The following CCSER1 variants were observed in gnomAD, a reference collection of about 807,000 sequenced individuals.
CCSER1 encodes the protein coiled-coil serine rich protein 1, also known as serine-rich coiled-coil domain-containing protein 1.
A neutral mutation model predicts 82.0 loss-of-function variants in CCSER1; 41 were observed. The observed-to-expected ratio is 0.50, with a 90% confidence interval of 0.39 to 0.65. CCSER1 has a LOEUF of 0.65. Among genes scored for constraint, CCSER1 ranks in the 30% least tolerant of loss-of-function variants. The pLI is 0.00. For missense variants in CCSER1, 1,119 were observed against 1,064.2 expected (o/e 1.05, Z -0.72); for synonymous variants, 414 against 383.9 (o/e 1.08, Z -0.92).
intron 9 of CCSER1, among the ~76,000 whole-genome samples, chr4:90,960,044 C>T (rs1733910731): frequency 6.6e-6 from 1 of 152,052 alleles, no homozygotes; most frequent in Non-Finnish European, 1.5e-5. Flanking sequence ...GCTTAAATTC[C>T]ATTTTTCAAA....
In CCSER1 at chr4:91,407,153, T is replaced by G. The variant is rs559472485; in HGVS notation, c.2218-191419T>G. Among the ~76,000 whole-genome samples the G allele has an allele frequency of 2.6e-5, 4 of 152,270 alleles. No individual in the cohort carries two copies. In the South Asian group the frequency reaches 8.3e-4, roughly 32 times the overall value. The stretch of plus-strand genomic sequence containing the variant: ...GCTCCAATTTCATGCTTGGCCTTTC[T>G]AAGTGACATACAAGAAAAATAAATA... On this transcript the variant is annotated intron_variant, in intron 10 of 10. Coordinates refer to ENST00000509176, the MANE Select transcript of CCSER1 (RefSeq NM_001145065.2).
Position 90,276,402 on chromosome 4 carries a change from A to G in CCSER1, c.-41-31842A>G, listed in dbSNP as rs186004988. On this transcript the variant is annotated intron_variant, in intron 1 of 10. Coordinates refer to ENST00000509176, the MANE Select transcript of CCSER1 (RefSeq NM_001145065.2). ...CACTCTGTTGCCCAGGCTGGAGTGCAGTGGCACGATCTCTGCTCACTGCAA... is the reference window on the plus strand; with the variant it reads ...CACTCTGTTGCCCAGGCTGGAGTGCGGTGGCACGATCTCTGCTCACTGCAA... Among the ~76,000 whole-genome samples the G allele has an allele frequency of 5.2e-3, 722 of 138,460 alleles. 5 individuals are homozygous for G. Among genetic ancestry groups the G allele is most frequent in the African/African-American group, 0.019 (693 of 36,468 alleles). The allele number at this position is 138,460 out of a possible 152,430, so 90.8% of individuals were successfully genotyped here. A position where few individuals can be genotyped will look rare whatever the true frequency, so the allele number is the denominator to read the frequency against.
intron 10 of CCSER1, among the ~76,000 whole-genome samples, chr4:91,469,593 C>T (rs1231381274): frequency 6.6e-6 from 1 of 152,110 alleles, no homozygotes; most frequent in African/African-American, 2.4e-5. Context: ...CCAGTCTAGA[C>T]TAACCTAAGC....
At chr4:90,701,059 A>T (rs943532547) in intron 6 of CCSER1, among the ~76,000 whole-genome samples, 2 of 152,136 alleles carry the variant, frequency 1.3e-5, no homozygotes, top group Admixed American at 6.6e-5. Context: ...GTCCTTGCCC[A>T]TGCCTATGTC....
At chr4:91,331,021 A>G (rs924063823) in intron 10 of CCSER1, among the ~76,000 whole-genome samples, 1 of 152,136 alleles carries the variant, frequency 6.6e-6, no homozygotes, top group Non-Finnish European at 1.5e-5. Flanking sequence ...TATACAGGAA[A>G]AACCATAGTG....
chr4:90,583,269 C>A (rs1292347522), intron 5 of CCSER1, among the ~76,000 whole-genome samples: 1 of 152,156 alleles, frequency 6.6e-6, no homozygotes, highest in Admixed American at 6.5e-5. Flanking sequence ...CTGGTTCAAG[C>A]TATTCTCATG....
At chr4:91,452,156 C>CT (rs1389611598) in intron 10 of CCSER1, among the ~76,000 whole-genome samples, 2 of 151,904 alleles carry the variant, frequency 1.3e-5, no homozygotes, top group Non-Finnish European at 2.9e-5. Context: ...AATCCATAGT[C>CT]ATAGGGCAAA....
chr4:91,047,235 T>TAC (rs1210594709), intron 9 of CCSER1, among the ~76,000 whole-genome samples: 42 of 150,722 alleles, frequency 2.8e-4, no homozygotes, highest in East Asian at 1.9e-3. Flanking sequence ...AAAGCATATA[T>TAC]ATATACACAC....
At chr4:91,358,367 G>A (rs1330461068) in intron 10 of CCSER1, among the ~76,000 whole-genome samples, 3 of 149,140 alleles carry the variant, frequency 2.0e-5, no homozygotes, top group Non-Finnish European at 4.4e-5. Context: ...CCAGTGGGGT[G>A]GGCTTACTTT....
At chr4:91,338,883 G>T (rs1292010502) in intron 10 of CCSER1, among the ~76,000 whole-genome samples, 1 of 152,094 alleles carries the variant, frequency 6.6e-6, no homozygotes, top group Non-Finnish European at 1.5e-5. Context: ...TAAAAGCACA[G>T]AATTTTTTGT....
At chr4:90,968,661 C>T (rs1734799378) in intron 9 of CCSER1, among the ~76,000 whole-genome samples, 1 of 152,008 alleles carries the variant, frequency 6.6e-6, no homozygotes, top group African/African-American at 2.4e-5. Context: ...CCCAAGAATC[C>T]ATATCCAGGC....
chr4:91,530,450 T>C (rs1342662816), intron 10 of CCSER1, among the ~76,000 whole-genome samples: 3 of 152,046 alleles, frequency 2.0e-5, no homozygotes, highest in Non-Finnish European at 4.4e-5. Flanking sequence ...TAACAAAACA[T>C]TAACAATGAA....
chr4:90,570,007 G>A (rs1398058982), intron 5 of CCSER1, among the ~76,000 whole-genome samples: 1 of 152,172 alleles, frequency 6.6e-6, no homozygotes, highest in Non-Finnish European at 1.5e-5. Flanking sequence ...CAAACCCACG[G>A]GTATGGTCCC....
intron 9 of CCSER1, among the ~76,000 whole-genome samples, chr4:91,012,828 T>A (rs1739113996): frequency 7.6e-6 from 1 of 132,218 alleles, no homozygotes; most frequent in Non-Finnish European, 1.8e-5. Flanking sequence ...CCTTAGTGCC[T>A]GAAAGGACTG....
chr4:90,743,845 G>A (rs1035232301), intron 7 of CCSER1, among the ~76,000 whole-genome samples: 2 of 152,128 alleles, frequency 1.3e-5, no homozygotes, highest in African/African-American at 2.4e-5. Context: ...TGGTAATAAT[G>A]CCCACAGGAA....
intron 10 of CCSER1, among the ~76,000 whole-genome samples, chr4:91,237,534 C>T (rs1043246666): frequency 2.0e-5 from 3 of 152,102 alleles, no homozygotes; most frequent in Non-Finnish European, 4.4e-5. Flanking sequence ...AAAATTATTT[C>T]AACCTCTAAA....
At chr4:91,136,655 G>GA (rs1483569923) in intron 10 of CCSER1, among the ~76,000 whole-genome samples, 4 of 151,978 alleles carry the variant, frequency 2.6e-5, no homozygotes, top group Admixed American at 6.6e-5. Context: ...GATGTATGTA[G>GA]AAAAAATGAA....
intron 7 of CCSER1, among the ~76,000 whole-genome samples, chr4:90,762,822 T>C (rs1225969512): frequency 6.6e-6 from 1 of 152,112 alleles, no homozygotes; most frequent in Non-Finnish European, 1.5e-5. Context: ...TCTTTGCAGA[T>C]GTGACCAAAT....
intron 1 of CCSER1, among the ~76,000 whole-genome samples, chr4:90,241,373 T>A (rs1746803731): frequency 6.6e-6 from 1 of 152,198 alleles, no homozygotes; most frequent in Non-Finnish European, 1.5e-5. Context: ...CGGTATCAAA[T>A]ATGATATTTA....
Sources: allele counts gnomAD v4.1 joint callset (sites outside exome capture counted in the v4.1 genomes callset), GRCh38; gene constraint gnomAD v4.1.1; transcripts MANE v1.5; gene names NCBI Gene and HGNC (gene_info 2026-07-23, HGNC 2026-07-21).